WNT16: variants seen among roughly 807,000 people sequenced by gnomAD.
WNT16 encodes Wnt family member 16.
In WNT16, 20 loss-of-function variants were observed where a neutral mutation model predicts 35.4. That is an observed-to-expected ratio of 0.56 (90% CI 0.40 to 0.82). WNT16 has a LOEUF of 0.82. WNT16 is among the 40% of genes least tolerant of loss of function. WNT16 has a pLI of 0.00. For synonymous variants in WNT16, 180 were observed against 179.2 expected (o/e 1.00, Z -0.03); for missense variants, 461 against 466.0 (o/e 0.99, Z 0.10).
rs1793494413 is a variant in WNT16 at position 121,339,268 on chromosome 7, G to C, written c.1021G>C (p.Glu341Gln). The C allele has an allele frequency of 6.2e-7, 1 of 1,614,062 alleles. No individual in the cohort carries two copies. Among genetic ancestry groups the C allele is most frequent in the South Asian group, 1.1e-5 (1 of 91,090 alleles). The change falls in exon 4 of 4, where the codon GAG becomes CAG. Residue 341 changes from glutamate to glutamine, a missense_variant. By Grantham distance (29) the Glu-to-Gln change is conservative. Coordinates refer to ENST00000222462, the MANE Select transcript of WNT16 (RefSeq NM_057168.2). ...TGTGGTCAGGCACGTGGAGAGGTGTGAGTGTAAGTTCATCTGGTGCTGCTA... is the reference window on the plus strand; with the variant it reads ...TGTGGTCAGGCACGTGGAGAGGTGTCAGTGTAAGTTCATCTGGTGCTGCTA... Reference protein sequence around the residue: ...THVVRHVERCECKFIWCCYVR... With the variant: ...THVVRHVERCQCKFIWCCYVR...
At position 121,339,410 on chromosome 7, in the gene WNT16, G is replaced by A; in HGVS notation, c.*65G>A. ...ACAATGGCATTGCAACCAGAGAGGT[G>A]CCCATCCCTGTGCAGCGCTAGTAAA... On this transcript the variant is annotated 3_prime_UTR_variant, in exon 4 of 4. Transcript: ENST00000222462. The A allele has an allele frequency of 6.9e-7, 1 of 1,459,006 alleles. No individual in the cohort carries two copies. Among genetic ancestry groups the A allele is most frequent in the Non-Finnish European group, 9.3e-7 (1 of 1,072,694 alleles). 90.4% of individuals were successfully genotyped at this position (1,459,006 alleles called of 1,614,324 possible).
chr7:121,329,337 G>T lies in WNT16; in HGVS notation c.45G>T (p.Leu15=), dbSNP rs1198205266. Residue 15 remains leucine, a synonymous_variant, in exon 1 of 4, where the codon CTG becomes CTT. Coordinates refer to ENST00000222462, the MANE Select transcript of WNT16 (RefSeq NM_057168.2). The part of the protein sequence containing the change: ...ALLGLARLCA[L]WAALLVLFPY... ...TGGGACTGGCCCGCTTGTGCGCGCTGTGGGCAGCCCTGCTCGTGCTGTTCC... is the reference window on the plus strand; with the variant it reads ...TGGGACTGGCCCGCTTGTGCGCGCTTTGGGCAGCCCTGCTCGTGCTGTTCC... 1 of 1,602,596 alleles carries T rather than the reference G, an allele frequency of 6.2e-7. No individual in the cohort carries two copies.
In WNT16 at chr7:121,340,680, G is replaced by A. The variant is rs968370278; in HGVS notation, c.*1335G>A. 2 of 152,138 alleles carry A rather than the reference G, an allele frequency of 1.3e-5. No homozygotes were observed. The highest frequency in any genetic ancestry group is 2.9e-5 in the Non-Finnish European group (2 of 67,892). The allele number at this position is 152,138 out of a possible 1,614,324, so 9.4% of individuals were successfully genotyped here. A position where few individuals can be genotyped will look rare whatever the true frequency, so the allele number is the denominator to read the frequency against. ...TAAATCAGAATAGTGATCAATTTGTGGATTTGATATCCTGGATATTTATTA... is the reference window on the plus strand; with the variant it reads ...TAAATCAGAATAGTGATCAATTTGTAGATTTGATATCCTGGATATTTATTA... On this transcript the variant is annotated 3_prime_UTR_variant, in exon 4 of 4. Transcript: ENST00000222462.
upstream of WNT16, among the ~76,000 whole-genome samples, chr7:121,325,650 CAT>C (rs764283488): frequency 6.1e-5 from 9 of 148,332 alleles, no homozygotes; most frequent in Non-Finnish European, 7.4e-5. Flanking sequence ...AAAAATTTTA[CAT>C]ATATATATAT....
chr7:121,338,671 C>G (rs1253780648), intron 3 of WNT16, among the ~76,000 whole-genome samples: 3 of 152,144 alleles, frequency 2.0e-5, no homozygotes, highest in Non-Finnish European at 4.4e-5. Flanking sequence ...TCTGAAGGGT[C>G]AAGAAATTTG....
At chr7:121,328,984 G>A (rs1377748426), upstream of WNT16, 1 of 1,123,032 alleles carries the variant, frequency 8.9e-7, no homozygotes, top group Non-Finnish European at 1.1e-6. Context: ...GGGGGCGATG[G>A]AGACGCGGAT....
Position 121,340,974 on chromosome 7 carries a change from C to A in WNT16, c.*1629C>A, listed in dbSNP as rs570564879. ...AATAAGATAAAGAAATGTTTCCCTG[C>A]CCCACAGTCTTCATTCTATTTCTCT... On this transcript the variant is annotated 3_prime_UTR_variant, in exon 4 of 4. Coordinates refer to ENST00000222462, the MANE Select transcript of WNT16 (RefSeq NM_057168.2). 6.6e-6 allele frequency: 1 copy of A among 152,122 alleles called. No individual in the cohort carries two copies. The highest frequency in any genetic ancestry group is 1.9e-4 in the East Asian group (1 of 5,186). The allele number at this position is 152,122 out of a possible 1,614,324, so 9.4% of individuals were successfully genotyped here.
chr7:121,336,529 G>A (rs905914437), intron 3 of WNT16, among the ~76,000 whole-genome samples: 3 of 152,128 alleles, frequency 2.0e-5, no homozygotes, highest in Admixed American at 6.6e-5. Context: ...CCTTCATCGT[G>A]TTGTAGTGCA....
chr7:121,332,502 C>A (rs1793367135), intron 3 of WNT16, among the ~76,000 whole-genome samples: 1 of 152,112 alleles, frequency 6.6e-6, no homozygotes, highest in Non-Finnish European at 1.5e-5. Flanking sequence ...CAGTATCTGC[C>A]TTTCTAATAG....
upstream of WNT16, among the ~76,000 whole-genome samples, chr7:121,328,096 C>A (rs1793271667): frequency 6.6e-6 from 1 of 152,154 alleles, no homozygotes; most frequent in Non-Finnish European, 1.5e-5. Flanking sequence ...TTAATAAGTA[C>A]GTTTTTAAAA....
chr7:121,334,472 A>G (rs944937894), intron 3 of WNT16, among the ~76,000 whole-genome samples: 6 of 152,148 alleles, frequency 3.9e-5, no homozygotes, highest in Admixed American at 6.5e-5. Context: ...ATGAGCAATC[A>G]ACTCAATTTT....
chr7:121,337,380 A>C (rs951449380), intron 3 of WNT16, among the ~76,000 whole-genome samples: 1 of 152,250 alleles, frequency 6.6e-6, no homozygotes, highest in Non-Finnish European at 1.5e-5. Context: ...TTGAAAACAT[A>C]ACATTCTGCA....
At chr7:121,334,169 T>C (rs1343969632) in intron 3 of WNT16, among the ~76,000 whole-genome samples, 1 of 152,128 alleles carries the variant, frequency 6.6e-6, no homozygotes, top group Non-Finnish European at 1.5e-5. Flanking sequence ...TATGCATATA[T>C]GTACATTTTG....
chr7:121,339,054 G>C lies in WNT16; in HGVS notation c.807G>C (p.Arg269Ser). The change falls in exon 4 of 4, where the codon AGG becomes AGC. Residue 269 changes from arginine to serine, a missense_variant. Coordinates refer to ENST00000222462, the MANE Select transcript of WNT16 (RefSeq NM_057168.2). ...ACAAAACAAAGAGGAAAATGCGCAG[G>C]AGAGAAAAAGATCAGAGGAAAATAC... is the stretch of plus-strand genomic sequence containing the variant. ...ISDKTKRKMR[R>S]REKDQRKIPI... The C allele has an allele frequency of 6.2e-7, 1 of 1,614,144 alleles. No individual in the cohort carries two copies. The highest frequency in any genetic ancestry group is 8.5e-7 in the Non-Finnish European group (1 of 1,180,022).
chr7:121,335,334 G>A (rs1318026600), intron 3 of WNT16, among the ~76,000 whole-genome samples: 2 of 152,042 alleles, frequency 1.3e-5, no homozygotes, highest in African/African-American at 4.8e-5. Context: ...TATTAATGAT[G>A]CATCTTTCCT....
chr7:121,327,338 G>A (rs1443625044), upstream of WNT16, among the ~76,000 whole-genome samples: 2 of 149,336 alleles, frequency 1.3e-5, no homozygotes, highest in East Asian at 4.1e-4. Context: ...AGCAGCTAAT[G>A]CTATCTAATC....
At chr7:121,331,587 T>C (rs1793346511) in intron 2 of WNT16, 91 bp from the exon 3 acceptor site, 1 of 1,218,994 alleles carries the variant, frequency 8.2e-7, no homozygotes. Flanking sequence ...GAAAAATTAC[T>C]TGTCCAGTAA....
At chr7:121,327,989 G>A (rs1249090405), upstream of WNT16, among the ~76,000 whole-genome samples, 1 of 152,128 alleles carries the variant, frequency 6.6e-6, no homozygotes, top group Non-Finnish European at 1.5e-5. Context: ...TCATCTAAAC[G>A]TATTTTCTTT....
chr7:121,330,403 T>C (rs1309290884), intron 2 of WNT16, among the ~76,000 whole-genome samples: 1 of 152,208 alleles, frequency 6.6e-6, no homozygotes, highest in East Asian at 1.9e-4. Flanking sequence ...TTTCTATCTT[T>C]CCCTCCTCGG....
Sources: gnomAD v4.1 joint callset for allele counts (sites outside exome capture counted in the v4.1 genomes callset) on GRCh38, gnomAD v4.1.1 for gene constraint, MANE v1.5 for transcripts, NCBI Gene and HGNC (gene_info 2026-07-23, HGNC 2026-07-21) for gene names.